The following AOPEP variants were observed in gnomAD, a reference collection of about 807,000 sequenced individuals.
AOPEP encodes the protein aminopeptidase O.
Under a neutral mutation model 98.1 loss-of-function variants are expected in AOPEP, and 77 were observed. That is an observed-to-expected ratio of 0.78 (90% CI 0.65 to 0.95). The LOEUF is 0.95. Ranked by LOEUF, AOPEP falls within the 40% of genes least tolerant of loss-of-function variation. AOPEP has a pLI of 0.00. For synonymous variants in AOPEP, 346 were observed against 365.3 expected, an observed-to-expected ratio of 0.95 and a Z score of 0.60; for missense variants, 1,024 against 1,024.7, an observed-to-expected ratio of 1.00 and a Z score of 0.01.
chr9:95,126,670 C>G, the AOPEP span: 1 of 1,339,546 alleles, frequency 7.5e-7, no homozygotes, highest in Non-Finnish European at 1.1e-6. Flanking sequence ...TTACTGGGAA[C>G]TGCTGATGTC....
the AOPEP span, among the ~76,000 whole-genome samples, chr9:95,129,495 A>G: frequency 6.6e-6 from 1 of 152,200 alleles, no homozygotes; most frequent in Admixed American, 6.5e-5. Flanking sequence ...TTTTATTTGT[A>G]AGGTGGGGCA....
At chr9:95,022,197 C>G (rs181329343) in intron 13 of AOPEP, 1 of 152,312 alleles carries the variant, frequency 6.6e-6, no homozygotes, top group African/African-American at 2.4e-5. Flanking sequence ...GTTATTCCTT[C>G]TCTTCAAAAT....
chr9:94,965,432 G>C (rs1243075012), intron 9 of AOPEP, among the ~76,000 whole-genome samples: 2 of 152,344 alleles, frequency 1.3e-5, no homozygotes, highest in East Asian at 3.9e-4. Context: ...AATGGACTGT[G>C]ACCACCCATG....
chr9:94,797,229 C>T (rs10993350), intron 4 of AOPEP, among the ~76,000 whole-genome samples: 6,500 of 152,150 alleles, frequency 0.043, 217 homozygotes, highest in South Asian at 0.1. Context: ...GTCGGGAGAT[C>T]GAGACCATCC....
At chr9:94,950,638 G>A (rs909380426) in intron 7 of AOPEP, among the ~76,000 whole-genome samples, 6 of 152,218 alleles carry the variant, frequency 3.9e-5, no homozygotes, top group Admixed American at 6.5e-5. Flanking sequence ...GGGCAGCTGC[G>A]ACTAACAGAA....
chr9:95,038,047 G>T (rs2064982207), intron 13 of AOPEP, among the ~76,000 whole-genome samples: 1 of 152,166 alleles, frequency 6.6e-6, no homozygotes, highest in East Asian at 1.9e-4. Flanking sequence ...CATGCTCCAT[G>T]CAAGCAAGTT....
chr9:95,127,810 G>C, the AOPEP span, among the ~76,000 whole-genome samples: 2 of 152,228 alleles, frequency 1.3e-5, no homozygotes, highest in African/African-American at 4.8e-5. Context: ...CATTGAGCCC[G>C]CGCCATCTAG....
intron 7 of AOPEP, among the ~76,000 whole-genome samples, chr9:94,947,954 C>T (rs1004146779): frequency 6.6e-6 from 1 of 152,226 alleles, no homozygotes; most frequent in Non-Finnish European, 1.5e-5. Context: ...CACCCTTGTG[C>T]TTACTATGTT....
chr9:94,810,549 A>G (rs1850318256), intron 5 of AOPEP, among the ~76,000 whole-genome samples: 1 of 152,170 alleles, frequency 6.6e-6, no homozygotes, highest in South Asian at 2.1e-4. Context: ...TCCTCACCTC[A>G]AATGATCCAC....
intron 13 of AOPEP, among the ~76,000 whole-genome samples, chr9:95,056,903 C>A (rs1311193250): frequency 6.6e-6 from 1 of 152,188 alleles, no homozygotes; most frequent in East Asian, 1.9e-4. Flanking sequence ...GTGAAGTTCT[C>A]TTGCAAGTAC....
At chr9:94,803,472 G>T (rs900166037) in intron 5 of AOPEP, among the ~76,000 whole-genome samples, 2 of 152,028 alleles carry the variant, frequency 1.3e-5, no homozygotes, top group Non-Finnish European at 2.9e-5. Flanking sequence ...TGAATATTAC[G>T]TATCATAGTT....
intron 13 of AOPEP, among the ~76,000 whole-genome samples, chr9:95,015,569 A>G (rs1055865861): frequency 6.6e-6 from 1 of 152,226 alleles, no homozygotes; most frequent in Non-Finnish European, 1.5e-5. Flanking sequence ...ACTATATAGG[A>G]TAGGAGAATT....
chr9:94,865,321 A>C (rs1337707781), intron 5 of AOPEP, among the ~76,000 whole-genome samples: 1 of 152,224 alleles, frequency 6.6e-6, no homozygotes. Flanking sequence ...TGTTAAGAGC[A>C]TCGCAGCTTG....
At chr9:95,108,819 C>A in the AOPEP span, among the ~76,000 whole-genome samples, 1 of 152,130 alleles carries the variant, frequency 6.6e-6, no homozygotes, top group African/African-American at 2.4e-5. Flanking sequence ...CCACTCACTA[C>A]ACATAATGCC....
intron 14 of AOPEP, among the ~76,000 whole-genome samples, chr9:95,069,334 G>C (rs559535245): frequency 6.6e-6 from 1 of 152,204 alleles, no homozygotes; most frequent in African/African-American, 2.4e-5. Context: ...AGGTAACGAT[G>C]GTCACTGTTT....
intron 9 of AOPEP, among the ~76,000 whole-genome samples, chr9:94,964,829 C>T (rs886829265): frequency 3.3e-5 from 5 of 151,694 alleles, no homozygotes; most frequent in Non-Finnish European, 7.4e-5. Context: ...TTAGTAGAGA[C>T]GGGGTTTCAC....
intron 5 of AOPEP, among the ~76,000 whole-genome samples, chr9:94,838,495 T>G (rs1344521783): frequency 6.6e-6 from 1 of 152,216 alleles, no homozygotes; most frequent in Non-Finnish European, 1.5e-5. Context: ...CACTGAAGCT[T>G]TCTAGTAAAT....
chr9:94,970,604 T>C (rs958516826), intron 10 of AOPEP, among the ~76,000 whole-genome samples: 2 of 151,698 alleles, frequency 1.3e-5, no homozygotes, highest in East Asian at 3.9e-4. Context: ...CCCCACGCAG[T>C]CTCCCTGGAT....
At chr9:95,051,632 A>G (rs922871651) in intron 13 of AOPEP, among the ~76,000 whole-genome samples, 4 of 152,138 alleles carry the variant, frequency 2.6e-5, no homozygotes, top group African/African-American at 9.7e-5. Flanking sequence ...AGGCATTTTC[A>G]GTCATTTTAC....
Sources: allele counts gnomAD v4.1 joint callset (sites outside exome capture counted in the v4.1 genomes callset), GRCh38; gene constraint gnomAD v4.1.1; transcripts MANE v1.5; gene names NCBI Gene and HGNC (gene_info 2026-07-23, HGNC 2026-07-21).